Variants in MAST4 observed in about 807,000 individuals in gnomAD.
The protein encoded by MAST4 is microtubule-associated serine/threonine-protein kinase 4.
Under a neutral mutation model 162.7 loss-of-function variants are expected in MAST4, and 89 were observed. The ratio of observed to expected loss-of-function variants is 0.55; its 90% confidence interval spans 0.46 to 0.65. The LOEUF is 0.65. MAST4 is among the 30% of genes least tolerant of loss of function. MAST4 has a pLI of 0.00. For synonymous variants in MAST4, 1,479 were observed against 1,361.1 expected, an observed-to-expected ratio of 1.09 and a Z score of -1.91; for missense variants, 3,153 against 3,374.0, an observed-to-expected ratio of 0.93 and a Z score of 1.62.
chr5:66,911,203 G>A (rs1283461575), intron 4 of MAST4, among the ~76,000 whole-genome samples: 1 of 152,084 alleles, frequency 6.6e-6, no homozygotes, highest in Non-Finnish European at 1.5e-5. Flanking sequence ...GCTTCATCCC[G>A]TGCATCACTC....
At chr5:66,753,659 A>G (rs1034329097) in intron 1 of MAST4, among the ~76,000 whole-genome samples, 3 of 151,490 alleles carry the variant, frequency 2.0e-5, no homozygotes, top group Non-Finnish European at 2.9e-5. Context: ...GCAATAATCA[A>G]TAGCTTACCA....
intron 5 of MAST4, among the ~76,000 whole-genome samples, chr5:67,058,770 A>T (rs1226986976): frequency 6.6e-6 from 1 of 152,256 alleles, no homozygotes; most frequent in Non-Finnish European, 1.5e-5. Context: ...AAAGGAAAGG[A>T]GAAACTGTTA....
chr5:66,789,515 T>A (rs539542517), intron 3 of MAST4, among the ~76,000 whole-genome samples: 10 of 152,216 alleles, frequency 6.6e-5, no homozygotes, highest in South Asian at 2.1e-4. Context: ...TTTGAATAAT[T>A]TTTTAATGGC....
chr5:66,924,950 T>G (rs1764787908), intron 4 of MAST4, among the ~76,000 whole-genome samples: 1 of 152,182 alleles, frequency 6.6e-6, no homozygotes, highest in Admixed American at 6.5e-5. Flanking sequence ...ACTGTGAAAA[T>G]TCTTAGATCA....
At chr5:66,991,085 T>A (rs1405856858) in intron 4 of MAST4, among the ~76,000 whole-genome samples, 1 of 152,180 alleles carries the variant, frequency 6.6e-6, no homozygotes, top group East Asian at 1.9e-4. Context: ...AGAGAAGGGA[T>A]GTTACAGAGA....
intron 4 of MAST4, among the ~76,000 whole-genome samples, chr5:67,030,635 C>T (rs1755196743): frequency 6.6e-6 from 1 of 151,974 alleles, no homozygotes; most frequent in East Asian, 1.9e-4. Flanking sequence ...GGTTTTAAGC[C>T]CTTCCATTCT....
intron 3 of MAST4, among the ~76,000 whole-genome samples, chr5:66,845,954 G>A (rs1391482117): frequency 6.6e-6 from 1 of 152,032 alleles, no homozygotes; most frequent in Non-Finnish European, 1.5e-5. Flanking sequence ...AACATTTATT[G>A]AACTTCTAAG....
intron 3 of MAST4, among the ~76,000 whole-genome samples, chr5:66,791,679 T>C (rs1279132206): frequency 6.6e-6 from 1 of 152,200 alleles, no homozygotes; most frequent in African/African-American, 2.4e-5. Context: ...CTGTTGTTGT[T>C]ATTGTATTGT....
intron 3 of MAST4, among the ~76,000 whole-genome samples, chr5:66,798,004 A>T (rs1158012989): frequency 6.6e-6 from 1 of 152,212 alleles, no homozygotes; most frequent in African/African-American, 2.4e-5. Flanking sequence ...ACTCATGGTG[A>T]TGCCATATAA....
intron 21 of MAST4, among the ~76,000 whole-genome samples, chr5:67,144,457 T>TACACAC (rs57996757): frequency 6.6e-4 from 99 of 149,942 alleles, no homozygotes; most frequent in African/African-American, 2.1e-3. Flanking sequence ...CGTATATATG[T>TACACAC]ACACACACAC....
At chr5:66,793,319 C>T (rs555914803) in intron 3 of MAST4, among the ~76,000 whole-genome samples, 3 of 152,244 alleles carry the variant, frequency 2.0e-5, no homozygotes, top group Admixed American at 6.5e-5. Context: ...GGACACCAGC[C>T]GGGAGTGCTG....
chr5:66,879,001 C>A (rs1040952482), intron 3 of MAST4, among the ~76,000 whole-genome samples: 1 of 152,180 alleles, frequency 6.6e-6, no homozygotes, highest in African/African-American at 2.4e-5. Context: ...TACAATGGGC[C>A]GGGCGTGGTG....
At chr5:66,677,131 T>TA (rs150538333) in intron 1 of MAST4, among the ~76,000 whole-genome samples, 75 of 152,330 alleles carry the variant, frequency 4.9e-4, no homozygotes, top group African/African-American at 1.8e-3. Flanking sequence ...GAATGGAAGT[T>TA]AAAAGTTTTA....
At chr5:66,804,911 A>G (rs1756110583) in intron 3 of MAST4, among the ~76,000 whole-genome samples, 1 of 152,114 alleles carries the variant, frequency 6.6e-6, no homozygotes, top group Non-Finnish European at 1.5e-5. Flanking sequence ...TTTGCATTCT[A>G]TGTGGCATCT....
intron 3 of MAST4, among the ~76,000 whole-genome samples, chr5:66,873,666 C>A (rs1197438927): frequency 6.6e-6 from 1 of 152,160 alleles, no homozygotes; most frequent in Non-Finnish European, 1.5e-5. Context: ...CACTGAGCCC[C>A]ATTGCTCTAG....
At chr5:66,809,876 C>T (rs963632533) in intron 3 of MAST4, among the ~76,000 whole-genome samples, 4 of 152,210 alleles carry the variant, frequency 2.6e-5, no homozygotes, top group Admixed American at 6.5e-5. Flanking sequence ...GCTGGGATTA[C>T]AGGCACGCAC....
intron 4 of MAST4, among the ~76,000 whole-genome samples, chr5:66,997,656 C>T (rs995470999): frequency 6.6e-6 from 1 of 152,012 alleles, no homozygotes; most frequent in African/African-American, 2.4e-5. Context: ...TGGTTTTGAA[C>T]TCCTGACCTC....
intron 1 of MAST4, among the ~76,000 whole-genome samples, chr5:66,685,789 G>A (rs1748617802): frequency 6.6e-6 from 1 of 152,070 alleles, no homozygotes; most frequent in African/African-American, 2.4e-5. Flanking sequence ...TAACGTAGAG[G>A]TTAAAAATGT....
intron 1 of MAST4, 84 bp from the exon 2 acceptor site, chr5:66,759,625 G>T: frequency 6.6e-7 from 1 of 1,503,830 alleles, no homozygotes; most frequent in Non-Finnish European, 9.0e-7. Flanking sequence ...GAAAAGAAAG[G>T]AAGAAAAAGT....
Sources: allele counts gnomAD v4.1 joint callset (sites outside exome capture counted in the v4.1 genomes callset), GRCh38; gene constraint gnomAD v4.1.1; transcripts MANE v1.5; gene names NCBI Gene and HGNC (gene_info 2026-07-23, HGNC 2026-07-21).